Variants in FARS2 observed in about 807,000 individuals in gnomAD.
FARS2 encodes phenylalanine--tRNA ligase, mitochondrial.
Under a neutral mutation model 46.4 loss-of-function variants are expected in FARS2, and 40 were observed. The observed-to-expected ratio is 0.86, with a 90% CI of 0.67 to 1.12. The LOEUF is 1.12. FARS2 is among the 50% of genes most tolerant of loss of function. The pLI is 0.00. For missense variants in FARS2, 513 were observed against 567.9 expected (o/e 0.90, Z 0.98); for synonymous variants, 234 against 214.9 (o/e 1.09, Z -0.78).
At chr6:5,476,619 G>GTA (rs909498369) in intron 4 of FARS2, among the ~76,000 whole-genome samples, 1 of 152,176 alleles carries the variant, frequency 6.6e-6, no homozygotes, top group Non-Finnish European at 1.5e-5. Flanking sequence ...TGTTGCCCTT[G>GTA]TATATTTTAT....
At chr6:5,287,539 G>C (rs1180489532) in intron 1 of FARS2, among the ~76,000 whole-genome samples, 1 of 152,124 alleles carries the variant, frequency 6.6e-6, no homozygotes, top group African/African-American at 2.4e-5. Flanking sequence ...CCCCTGGCCT[G>C]GTGCGAGCCC....
intron 5 of FARS2, among the ~76,000 whole-genome samples, chr6:5,581,360 G>C (rs1265955234): frequency 6.6e-6 from 1 of 152,176 alleles, no homozygotes; most frequent in Non-Finnish European, 1.5e-5. Context: ...GGGCAGGAAG[G>C]GGATTTCAGA....
chr6:5,459,260 C>G lies in FARS2; in HGVS notation c.904+28088C>G, dbSNP rs374510999. ...AGAAACAAATTTGAATTTAGGCAAT[C>G]TAATTAACCTTTAGCTAAAAATGTT... On this transcript the variant is annotated intron_variant, in intron 4 of 6. Transcript: ENST00000274680. Among the ~76,000 whole-genome samples the G allele has an allele frequency of 8.5e-5, 13 of 152,308 alleles. No individual in the cohort carries two copies. In the South Asian group the frequency reaches 1.4e-3, roughly 17 times the overall value.
At chr6:5,700,796 T>C (rs189805664) in intron 6 of FARS2, among the ~76,000 whole-genome samples, 3 of 152,264 alleles carry the variant, frequency 2.0e-5, no homozygotes, top group African/African-American at 7.2e-5. Context: ...CTTTATTACC[T>C]TTCCTAATGG....
At chr6:5,729,060 C>T (rs556843707) in intron 6 of FARS2, among the ~76,000 whole-genome samples, 4 of 152,338 alleles carry the variant, frequency 2.6e-5, no homozygotes, top group East Asian at 1.9e-4. Flanking sequence ...TCGGCATCTG[C>T]AGTGCTCACT....
rs531795649 is a variant in FARS2 at position 5,476,647 on chromosome 6, G to A, written c.904+45475G>A. On this transcript the variant is annotated intron_variant, in intron 4 of 6. Transcript: ENST00000274680. ...TATTTTATAAAATATCATGGGGAGG[G>A]GTTGGAGAGGGCTTATGGAAGGCCG... 6.6e-5 allele frequency among the ~76,000 whole-genome samples: 10 copies of A among 152,290 alleles called. No individual in the cohort carries two copies. The South Asian group carries it at 2.1e-3, about 32-fold the overall frequency.
intron 5 of FARS2, among the ~76,000 whole-genome samples, chr6:5,591,478 G>T (rs1039311795): frequency 6.6e-6 from 1 of 152,246 alleles, no homozygotes; most frequent in Non-Finnish European, 1.5e-5. Context: ...CTGCTCTCAC[G>T]AGGTTTGCCT....
At chr6:5,742,942 G>C (rs1021468284) in intron 6 of FARS2, among the ~76,000 whole-genome samples, 4 of 152,080 alleles carry the variant, frequency 2.6e-5, no homozygotes, top group Non-Finnish European at 5.9e-5. Context: ...ACTCCTGAGA[G>C]AATGTGTGTG....
intron 6 of FARS2, among the ~76,000 whole-genome samples, chr6:5,721,150 T>C (rs1759879221): frequency 6.6e-6 from 1 of 152,242 alleles, no homozygotes; most frequent in Non-Finnish European, 1.5e-5. Flanking sequence ...ATTAACCTAA[T>C]ATAATTCTAT....
chr6:5,415,337 CAG>C (rs1473958089), intron 3 of FARS2, among the ~76,000 whole-genome samples: 3 of 97,098 alleles, frequency 3.1e-5, no homozygotes, highest in African/African-American at 1.2e-4. Context: ...TTTTTTGAGA[CAG>C]AGTCTTGCTC....
intron 6 of FARS2, among the ~76,000 whole-genome samples, chr6:5,742,326 T>C (rs1246938586): frequency 1.3e-5 from 2 of 152,218 alleles, no homozygotes; most frequent in South Asian, 2.1e-4. Context: ...CGTTGCTTCT[T>C]TTCCCATATT....
At position 5,444,887 on chromosome 6, in the gene FARS2, A is replaced by C. The variant is rs543155499; in HGVS notation, c.904+13715A>C. Among the ~76,000 whole-genome samples the C allele has an allele frequency of 5.3e-5, 8 of 152,352 alleles. No homozygotes were observed. In the South Asian group the frequency reaches 1.7e-3, roughly 32 times the overall value. On this transcript the variant is annotated intron_variant, in intron 4 of 6. Transcript: ENST00000274680. ...TCCAAGGATGGGCAGTGGGAAGCACATTGGCCTCAGAGTGAAGACCTGGCT... is the reference window on the plus strand; with the variant it reads ...TCCAAGGATGGGCAGTGGGAAGCACCTTGGCCTCAGAGTGAAGACCTGGCT...
At chr6:5,662,209 C>T (rs966304873) in intron 6 of FARS2, among the ~76,000 whole-genome samples, 7 of 151,804 alleles carry the variant, frequency 4.6e-5, no homozygotes, top group Admixed American at 1.3e-4. Flanking sequence ...TTTTCTTTGT[C>T]AGCTCTTTTA....
At chr6:5,408,977 T>C (rs976046691) in intron 3 of FARS2, among the ~76,000 whole-genome samples, 1 of 152,222 alleles carries the variant, frequency 6.6e-6, no homozygotes, top group Non-Finnish European at 1.5e-5. Context: ...TCAGGATATA[T>C]ATCTCTCTGA....
chr6:5,690,147 A>T (rs1243850180), intron 6 of FARS2, among the ~76,000 whole-genome samples: 2 of 152,070 alleles, frequency 1.3e-5, no homozygotes, highest in Non-Finnish European at 2.9e-5. Flanking sequence ...TTGACTTTTT[A>T]TCCAATTTGC....
intron 6 of FARS2, among the ~76,000 whole-genome samples, chr6:5,699,378 C>G (rs1443320754): frequency 1.3e-5 from 2 of 152,202 alleles, no homozygotes; most frequent in African/African-American, 4.8e-5. Context: ...CCTTTCTCTA[C>G]AGTTTTGCAA....
intron 6 of FARS2, among the ~76,000 whole-genome samples, chr6:5,640,602 G>A (rs756705693): frequency 1.3e-5 from 2 of 152,276 alleles, no homozygotes; most frequent in African/African-American, 2.4e-5. Flanking sequence ...TTGAGGCAGC[G>A]GCCACATCCC....
chr6:5,604,218 C>G (rs1774697881), intron 5 of FARS2, among the ~76,000 whole-genome samples: 1 of 152,164 alleles, frequency 6.6e-6, no homozygotes, highest in Non-Finnish European at 1.5e-5. Context: ...CCTGACAGAG[C>G]CGTTCCTCTG....
At chr6:5,312,953 G>T (rs1769190240) in intron 1 of FARS2, among the ~76,000 whole-genome samples, 1 of 152,202 alleles carries the variant, frequency 6.6e-6, no homozygotes, top group Non-Finnish European at 1.5e-5. Flanking sequence ...TATAATAGGG[G>T]ATGTATGAAT....
Sources: gnomAD v4.1 joint callset for allele counts (sites outside exome capture counted in the v4.1 genomes callset) on GRCh38, gnomAD v4.1.1 for gene constraint, MANE v1.5 for transcripts, NCBI Gene and HGNC (gene_info 2026-07-23, HGNC 2026-07-21) for gene names.